Variants in PLD5 observed in about 807,000 individuals in gnomAD.
The protein encoded by PLD5 is inactive phospholipase D5.
Under a neutral mutation model 61.1 loss-of-function variants are expected in PLD5, and 36 were observed. The ratio of observed to expected loss-of-function variants is 0.59; its 90% CI spans 0.45 to 0.78. PLD5 has a LOEUF of 0.78. PLD5 is among the 30% of genes least tolerant of loss of function. The pLI is 0.00. For missense variants in PLD5, 515 were observed against 644.4 expected, an observed-to-expected ratio of 0.80 and a Z score of 2.17; for synonymous variants, 243 against 242.8, an observed-to-expected ratio of 1.00 and a Z score of -0.01.
At chr1:242,450,919 A>G (rs1485962523) in intron 1 of PLD5, among the ~76,000 whole-genome samples, 6 of 152,150 alleles carry the variant, frequency 3.9e-5, no homozygotes, top group African/African-American at 1.4e-4. Context: ...CAGTAAGTGA[A>G]TACTCTGAAA....
chr1:242,527,114 C>CTTTTTTTTTT (rs530334746), upstream of PLD5, among the ~76,000 whole-genome samples: 666 of 71,930 alleles, frequency 9.3e-3, 89 homozygotes, highest in Non-Finnish European at 0.012. Flanking sequence ...CTATCTCCTT[C>CTTTTTTTTTT]TTTTTTTTTT....
intron 1 of PLD5, among the ~76,000 whole-genome samples, chr1:242,381,279 T>C (rs902163601): frequency 6.6e-6 from 1 of 152,182 alleles, no homozygotes. Flanking sequence ...GCCATTATCC[T>C]TGGCAAACTA....
intron 4 of PLD5, among the ~76,000 whole-genome samples, chr1:242,247,174 G>A (rs1194450080): frequency 6.6e-6 from 1 of 152,066 alleles, no homozygotes; most frequent in African/African-American, 2.4e-5. Context: ...AGTAGAGACG[G>A]GGTTTCACTG....
chr1:242,221,177 C>T (rs1670563288), intron 4 of PLD5, among the ~76,000 whole-genome samples: 1 of 152,200 alleles, frequency 6.6e-6, no homozygotes, highest in Admixed American at 6.5e-5. Flanking sequence ...GATCCAGTGT[C>T]AAGCCTTTAT....
chr1:242,500,769 T>C (rs1015538142), intron 1 of PLD5, among the ~76,000 whole-genome samples: 1 of 151,262 alleles, frequency 6.6e-6, no homozygotes, highest in Non-Finnish European at 1.5e-5. Context: ...CGTAATAAGG[T>C]GGACTATGAA....
chr1:242,282,947 T>G (rs1298176707), intron 3 of PLD5, among the ~76,000 whole-genome samples: 1 of 152,204 alleles, frequency 6.6e-6, no homozygotes, highest in Non-Finnish European at 1.5e-5. Context: ...CAGGCTGTGA[T>G]ACGGAGTAAG....
chr1:242,155,856 C>T (rs1665321464), intron 5 of PLD5, among the ~76,000 whole-genome samples: 1 of 152,148 alleles, frequency 6.6e-6, no homozygotes, highest in Non-Finnish European at 1.5e-5. Flanking sequence ...CTGTAGATGT[C>T]TAATTAGGTC....
intron 5 of PLD5, among the ~76,000 whole-genome samples, chr1:242,147,184 C>T (rs1574392656): frequency 6.6e-6 from 1 of 151,612 alleles, no homozygotes; most frequent in Non-Finnish European, 1.5e-5. Context: ...CTTCAAACCG[C>T]AGCCCTTGGC....
chr1:242,409,782 T>G (rs1019363616), intron 1 of PLD5, among the ~76,000 whole-genome samples: 1 of 152,130 alleles, frequency 6.6e-6, no homozygotes, highest in African/African-American at 2.4e-5. Flanking sequence ...CCTTTTAATA[T>G]GTAAAGGAAG....
chr1:242,360,006 T>C (rs1421153287), intron 1 of PLD5, among the ~76,000 whole-genome samples: 11 of 152,224 alleles, frequency 7.2e-5, no homozygotes, highest in Admixed American at 6.5e-5. Context: ...AAATGTTAGA[T>C]GGAAATTTTC....
chr1:242,312,123 A>T (rs542706321), intron 2 of PLD5, among the ~76,000 whole-genome samples: 1 of 151,776 alleles, frequency 6.6e-6, no homozygotes, highest in East Asian at 1.9e-4. Context: ...GATTTCCTTT[A>T]GCTCTTTAAG....
intron 1 of PLD5, among the ~76,000 whole-genome samples, chr1:242,445,820 T>C (rs1322838254): frequency 6.6e-6 from 1 of 151,674 alleles, no homozygotes; most frequent in Non-Finnish European, 1.5e-5. Context: ...GCTTTACTCT[T>C]CCACATTTCA....
At chr1:242,258,542 CT>C (rs1199052092) in intron 4 of PLD5, among the ~76,000 whole-genome samples, 9 of 152,174 alleles carry the variant, frequency 5.9e-5, no homozygotes, top group Non-Finnish European at 1.2e-4. Context: ...TGCAATGCAT[CT>C]TACGATTGCT....
intron 1 of PLD5, among the ~76,000 whole-genome samples, chr1:242,422,692 T>C (rs1023866350): frequency 6.6e-6 from 1 of 152,178 alleles, no homozygotes; most frequent in Admixed American, 6.5e-5. Flanking sequence ...ACACAGTCTT[T>C]GGGGCGCAAT....
At chr1:242,408,353 G>A (rs1238864721) in intron 1 of PLD5, among the ~76,000 whole-genome samples, 1 of 152,164 alleles carries the variant, frequency 6.6e-6, no homozygotes, top group African/African-American at 2.4e-5. Flanking sequence ...ATGGTTTGGA[G>A]GTTTGTCCCC....
At chr1:242,383,942 G>A (rs1662449093) in intron 1 of PLD5, among the ~76,000 whole-genome samples, 1 of 152,154 alleles carries the variant, frequency 6.6e-6, no homozygotes, top group African/African-American at 2.4e-5. Flanking sequence ...CCAAGCACTT[G>A]GCTTCCACTG....
chr1:242,132,779 C>T (rs1174214631), intron 5 of PLD5, among the ~76,000 whole-genome samples: 3 of 152,282 alleles, frequency 2.0e-5, no homozygotes, highest in African/African-American at 7.2e-5. Flanking sequence ...ACATGGGAAT[C>T]ATAATGCCTG....
chr1:242,479,228 G>A (rs1490358879), intron 1 of PLD5, among the ~76,000 whole-genome samples: 1 of 152,162 alleles, frequency 6.6e-6, no homozygotes, highest in Non-Finnish European at 1.5e-5. Context: ...AACTGACTAG[G>A]TATAGAGAGG....
At chr1:242,513,200 A>T (rs1668993180) in intron 1 of PLD5, among the ~76,000 whole-genome samples, 1 of 152,190 alleles carries the variant, frequency 6.6e-6, no homozygotes, top group Non-Finnish European at 1.5e-5. Context: ...TTTTTGTCGC[A>T]TATGACATCT....
Sources: allele counts gnomAD v4.1 joint callset (sites outside exome capture counted in the v4.1 genomes callset), GRCh38; gene constraint gnomAD v4.1.1; transcripts MANE v1.5; gene names NCBI Gene and HGNC (gene_info 2026-07-23, HGNC 2026-07-21).